The following TRPM8 variants were observed in gnomAD, a reference collection of about 807,000 sequenced individuals.
TRPM8 encodes the protein TRPM8 cationic channel.
In TRPM8, 110 loss-of-function variants were observed where a neutral mutation model predicts 133.7. That is an observed-to-expected ratio of 0.82 (90% CI 0.70 to 0.96). TRPM8 has a LOEUF of 0.96. Ranked by LOEUF, TRPM8 falls within the 40% of genes least tolerant of loss-of-function variation. TRPM8 has a pLI of 0.00. For synonymous variants in TRPM8, 535 were observed against 532.3 expected, an observed-to-expected ratio of 1.01 and a Z score of -0.07; for missense variants, 1,291 against 1,379.5, an observed-to-expected ratio of 0.94 and a Z score of 1.02.
At position 233,927,851 on chromosome 2, in the gene TRPM8, C is replaced by CTTTCT. The variant is rs1559516462; in HGVS notation, c.117+1197_117+1198insTTTCT. On this transcript the variant is annotated intron_variant, in intron 2 of 25. Transcript: ENST00000324695. ...TCCTTCCTTCCTTCCTTCCTTCCTTCCTTTCTTTCTCTTTCTTTCTTTCTT... is the reference window on the plus strand; with the variant it reads ...TCCTTCCTTCCTTCCTTCCTTCCTTCTTTCTCTTTCTTTCTCTTTCTTTCTTTCTT... Among the ~76,000 whole-genome samples, 26 of 37,580 alleles carry CTTTCT rather than the reference C, an allele frequency of 6.9e-4. 1 individual carries two copies. Among genetic ancestry groups the CTTTCT allele is most frequent in the South Asian group, 3.2e-3 (3 of 942 alleles). The allele number at this position is 37,580 out of a possible 152,430, so 24.7% of individuals were successfully genotyped here. A position where few individuals can be genotyped will look rare whatever the true frequency, so the allele number is the denominator to read the frequency against.
chr2:233,947,109 T>C lies in TRPM8; in HGVS notation c.896T>C (p.Ile299Thr). 1 of 1,614,082 alleles carries C rather than the reference T, an allele frequency of 6.2e-7. No homozygotes were observed. The highest frequency in any genetic ancestry group is 1.1e-5 in the South Asian group (1 of 91,076). The stretch of plus-strand genomic sequence containing the variant: ...ACAGATTCCAACTATGGTGGCAAGA[T>C]CCCCATTGTGTGTTTTGCCCAAGGA... ...TIQDSNYGGKIPIVCFAQGGG... is the reference protein window; with the variant it reads ...TIQDSNYGGKTPIVCFAQGGG... Residue 299 changes from isoleucine (I) to threonine (T), a missense_variant, in exon 8 of 26, where the codon ATC becomes ACC. Physicochemically the swap from Ile to Thr is moderately conservative, Grantham distance 89. Transcript: ENST00000324695.
At chr2:233,928,346 C>A (rs1215793155) in intron 2 of TRPM8, among the ~76,000 whole-genome samples, 1 of 152,120 alleles carries the variant, frequency 6.6e-6, no homozygotes, top group Non-Finnish European at 1.5e-5. Flanking sequence ...TGCGGGTGAC[C>A]CCCTCCCAGA....
chr2:234,014,202 G>T (rs1431301606), intron 24 of TRPM8, among the ~76,000 whole-genome samples: 1 of 151,988 alleles, frequency 6.6e-6, no homozygotes. Flanking sequence ...AACTTAATTA[G>T]TATCTTATAC....
rs1460032410 is a variant in TRPM8, at chr2:233,927,766, CTTTCTTTCTTTCTTTCTTTCTTTCT to C, written c.117+1121_117+1145del. On this transcript the variant is annotated intron_variant, in intron 2 of 25. Coordinates refer to ENST00000324695, the MANE Select transcript of TRPM8 (RefSeq NM_024080.5). ...TCTTTCTTTCTTTCTTTCTTTCTTT[CTTTCTTTCTTTCTTTCTTTCTTTCT>C]TTTCTTTCCTTCCTTCCTTCCTTCC... Among the ~76,000 whole-genome samples, 324 of 70,092 alleles carry C rather than the reference CTTTCTTTCTTTCTTTCTTTCTTTCT, an allele frequency of 4.6e-3. 21 individuals are homozygous for C. The highest frequency in any genetic ancestry group is 0.037 in the African/African-American group (226 of 6,116). 46.0% of individuals were successfully genotyped at this position (70,092 alleles called of 152,430 possible).
chr2:233,946,717 C>A (rs1691051199), intron 7 of TRPM8, among the ~76,000 whole-genome samples: 1 of 152,154 alleles, frequency 6.6e-6, no homozygotes, highest in South Asian at 2.1e-4. Context: ...TGTTGAAAGA[C>A]CACTAGTTAT....
At chr2:233,969,377 C>T (rs529893961) in intron 15 of TRPM8, among the ~76,000 whole-genome samples, 17 of 151,798 alleles carry the variant, frequency 1.1e-4, no homozygotes, top group Non-Finnish European at 4.4e-5. Flanking sequence ...ATCCCAGCTA[C>T]TCGGGAGGCT....
At chr2:234,002,938 G>A (rs1692605856) in intron 22 of TRPM8, among the ~76,000 whole-genome samples, 1 of 152,036 alleles carries the variant, frequency 6.6e-6, no homozygotes, top group Admixed American at 6.6e-5. Flanking sequence ...TTCCATAGAG[G>A]GCTGATTATG....
intron 21 of TRPM8, among the ~76,000 whole-genome samples, chr2:233,988,667 C>T (rs1692206165): frequency 6.6e-6 from 1 of 152,148 alleles, no homozygotes; most frequent in African/African-American, 2.4e-5. Flanking sequence ...GATTATGTGG[C>T]TGCTAGTTCC....
chr2:233,963,575 G>A (rs1193620685), intron 13 of TRPM8, among the ~76,000 whole-genome samples, 198 bp downstream of exon 13: 1 of 152,154 alleles, frequency 6.6e-6, no homozygotes, highest in African/African-American at 2.4e-5. Flanking sequence ...AGTCAGGCTT[G>A]GGGGGCAGTC....
Position 233,942,071 on chromosome 2 carries a change from C to CTGTTTTTTTT in TRPM8, c.527-504_527-503insGTTTTTTTTT, listed in dbSNP as rs1553656129. Among the ~76,000 whole-genome samples, 16 of 111,674 alleles carry CTGTTTTTTTT rather than the reference C, an allele frequency of 1.4e-4. 1 individual carries two copies. The highest frequency in any genetic ancestry group is 5.1e-4 in the African/African-American group (13 of 25,644). 73.3% of individuals were successfully genotyped at this position (111,674 alleles called of 152,430 possible). On this transcript the variant is annotated intron_variant, in intron 5 of 25. Transcript: ENST00000324695. ...GCAGATCTGGAATAGGGTCAAGAATCTTTTTTTTTTTTTTTTTTTTCTTTT... is the reference window on the plus strand; with the variant it reads ...GCAGATCTGGAATAGGGTCAAGAATCTGTTTTTTTTTTTTTTTTTTTTTTTTTTTTCTTTT...
In TRPM8 at chr2:233,955,262, G is replaced by C; in HGVS notation, c.1362+12G>C. ...ACCGCCGATGGGAGGTAAGCACGAA[G>C]CTCTCCTGGGTTATTCCAGTGTTGG... On this transcript the variant is annotated intron_variant, in intron 11 of 25. Transcript: ENST00000324695. The C allele has an allele frequency of 1.2e-6, 2 of 1,601,608 alleles. No homozygotes were observed. The highest frequency in any genetic ancestry group is 1.7e-6 in the Non-Finnish European group (2 of 1,168,936).
chr2:233,981,887 G>A lies in TRPM8; in HGVS notation c.2561G>A (p.Gly854Glu). ...ATTTTTACTGTAAGCAGAAACTTAG[G>A]ACCCAAGATTATAATGCTGCAGAGG... is the stretch of plus-strand genomic sequence containing the variant. ...IHIFTVSRNL[G>E]PKIIMLQRML... The change falls in exon 19 of 26, where the codon GGA becomes GAA. Residue 854 changes from glycine to glutamate, a missense_variant. Gly to Glu is a moderately conservative substitution (Grantham distance 98). Transcript: ENST00000324695. The A allele has an allele frequency of 6.2e-7, 1 of 1,612,700 alleles. No homozygotes were observed. Among genetic ancestry groups the A allele is most frequent in the Middle Eastern group, 1.7e-4 (1 of 6,058 alleles).
intron 24 of TRPM8, 143 bp from the exon 25 acceptor site, chr2:234,014,418 CT>C: frequency 2.1e-6 from 1 of 469,746 alleles, no homozygotes; most frequent in Non-Finnish European, 3.8e-6. Context: ...TCACATGCCA[CT>C]CTCATTCTGC....
At chr2:234,011,480 C>T (rs78170816) in intron 24 of TRPM8, among the ~76,000 whole-genome samples, 31,162 of 151,688 alleles carry the variant, frequency 0.21, 3,426 homozygotes, top group Middle Eastern at 0.3. Context: ...GGATTGTTTT[C>T]TCTATTTCTT....
chr2:233,945,284 A>G (rs1040931785), intron 6 of TRPM8, among the ~76,000 whole-genome samples: 2 of 152,102 alleles, frequency 1.3e-5, no homozygotes, highest in Non-Finnish European at 2.9e-5. Context: ...GCAGTTTTTT[A>G]TTCTCTGGTA....
intron 22 of TRPM8, 78 bp downstream of exon 22, chr2:233,996,594 A>C: frequency 7.8e-7 from 1 of 1,287,968 alleles, no homozygotes; most frequent in Non-Finnish European, 1.1e-6. Context: ...GTGTATCTCA[A>C]CAGGAAGGAA....
chr2:233,920,971 C>T (rs1447177559), intron 1 of TRPM8, among the ~76,000 whole-genome samples: 1 of 151,806 alleles, frequency 6.6e-6, no homozygotes, highest in Non-Finnish European at 1.5e-5. Context: ...ATTCTCCTGC[C>T]TCAACCTCCT....
chr2:233,921,661 C>CTTTT (rs1159232302), intron 1 of TRPM8, among the ~76,000 whole-genome samples: 3 of 140,918 alleles, frequency 2.1e-5, no homozygotes, highest in African/African-American at 8.0e-5. Context: ...TTTCTTTTTT[C>CTTTT]TTTTTCTTTT....
chr2:234,004,353 C>T (rs1574785779), intron 22 of TRPM8, among the ~76,000 whole-genome samples: 1 of 152,218 alleles, frequency 6.6e-6, no homozygotes, highest in South Asian at 2.1e-4. Flanking sequence ...GCAGACTCCC[C>T]AGGGTGCCTG....
Sources: gnomAD v4.1 joint callset for allele counts (sites outside exome capture counted in the v4.1 genomes callset) on GRCh38, gnomAD v4.1.1 for gene constraint, MANE v1.5 for transcripts, NCBI Gene and HGNC (gene_info 2026-07-23, HGNC 2026-07-21) for gene names.